Variants in LTBP1 observed in about 807,000 individuals in gnomAD.
LTBP1 encodes the protein latent transforming growth factor beta binding protein 1.
Under a neutral mutation model 207.6 loss-of-function variants are expected in LTBP1, and 129 were observed. The ratio of observed to expected loss-of-function variants is 0.62; its 90% CI spans 0.54 to 0.72. LTBP1 has a LOEUF of 0.72. Among genes scored for constraint, LTBP1 ranks in the 30% least tolerant of loss-of-function variants. The probability of loss-of-function intolerance (pLI) is 0.00; values close to 1 mark genes in which losing one functional copy is unlikely to be tolerated. For synonymous variants in LTBP1, 963 were observed against 833.7 expected, an observed-to-expected ratio of 1.16 and a Z score of -2.67; for missense variants, 2,281 against 2,217.2, an observed-to-expected ratio of 1.03 and a Z score of -0.58.
At position 33,337,073 on chromosome 2, in the gene LTBP1, A is replaced by G. The variant is rs1318244004; in HGVS notation, c.3731-5765A>G. On this transcript the variant is annotated intron_variant, in intron 24 of 33. Transcript: ENST00000404816. ...ACATGACCCCAACCTCTTTTAGAAA[A>G]CCCTGCCTTCTTTCCATACTTGTTA... Among the ~76,000 whole-genome samples, 5 of 152,126 alleles carry G rather than the reference A, an allele frequency of 3.3e-5. No homozygotes were observed. In the East Asian group the frequency reaches 9.6e-4, roughly 29 times the overall value.
chr2:33,208,723 A>G (rs922882942), intron 7 of LTBP1, among the ~76,000 whole-genome samples: 1 of 152,134 alleles, frequency 6.6e-6, no homozygotes. Flanking sequence ...CACTTAAATG[A>G]GTATTAGCAA....
chr2:33,194,704 C>G (rs1429835961), intron 7 of LTBP1, among the ~76,000 whole-genome samples: 3 of 152,180 alleles, frequency 2.0e-5, no homozygotes, highest in African/African-American at 7.2e-5. Flanking sequence ...GCAGCAAGTA[C>G]TGATGTAGAA....
intron 5 of LTBP1, among the ~76,000 whole-genome samples, chr2:33,171,536 G>T (rs553935274): frequency 4.6e-5 from 7 of 151,208 alleles, no homozygotes; most frequent in African/African-American, 1.2e-4. Flanking sequence ...TCTGATTGGT[G>T]TACCTGAAAG....
chr2:33,067,949 A>G (rs1050494551), intron 3 of LTBP1, among the ~76,000 whole-genome samples: 1 of 152,244 alleles, frequency 6.6e-6, no homozygotes, highest in Non-Finnish European at 1.5e-5. Context: ...AAATGTAGCA[A>G]CATACCAAAA....
chr2:33,185,914 C>G (rs10170980), intron 5 of LTBP1, among the ~76,000 whole-genome samples: 11,878 of 152,176 alleles, frequency 0.078, 992 homozygotes, highest in African/African-American at 0.21. Flanking sequence ...TTATAATATT[C>G]TTCAAGCTGC....
chr2:33,147,430 A>C (rs1432429200), intron 5 of LTBP1, among the ~76,000 whole-genome samples: 1 of 152,136 alleles, frequency 6.6e-6, no homozygotes, highest in Non-Finnish European at 1.5e-5. Flanking sequence ...TGTGCTGCCC[A>C]CCTGTGGATC....
Position 33,389,276 on chromosome 2 carries a change from C to G in LTBP1, c.4804C>G (p.Pro1602Ala). The G allele has an allele frequency of 6.2e-7, 1 of 1,614,192 alleles. No homozygotes were observed. Among genetic ancestry groups the G allele is most frequent in the Non-Finnish European group, 8.5e-7 (1 of 1,180,028 alleles). The change falls in exon 32 of 34, where the codon CCA becomes GCA. Residue 1602 changes from proline to alanine, a missense_variant. This residue lies in a region of LTBP1 where 1,671 missense variants were observed against 1,634.8 expected (regional missense o/e 1.02). Coordinates refer to ENST00000404816, the MANE Select transcript of LTBP1 (RefSeq NM_206943.4). ...GGTTGACTTCAGTGAACAGTATACT[C>G]CAGAAGCCGATCCCTACTTCATCCA... ...ALVDFSEQYT[P>A]EADPYFIQDR...
chr2:33,175,944 G>A (rs1310588013), intron 5 of LTBP1, among the ~76,000 whole-genome samples: 2 of 97,490 alleles, frequency 2.1e-5, no homozygotes, highest in Non-Finnish European at 4.1e-5. Context: ...TCATAGGTGG[G>A]AATTGAACAG....
chr2:33,182,887 GT>G (rs1177675515), intron 5 of LTBP1, among the ~76,000 whole-genome samples: 2 of 151,144 alleles, frequency 1.3e-5, no homozygotes, highest in Non-Finnish European at 1.5e-5. Context: ...CATTAAAAAT[GT>G]TTTAGTGTAG....
At chr2:33,186,804 T>C (rs917570135) in intron 5 of LTBP1, 52 bp from the exon 6 acceptor site, 6 of 1,414,006 alleles carry the variant, frequency 4.2e-6, no homozygotes, top group Non-Finnish European at 6.0e-6. Context: ...TGATCATTAC[T>C]TAGCCTCTGA....
intron 5 of LTBP1, among the ~76,000 whole-genome samples, chr2:33,159,431 A>G (rs949241835): frequency 6.6e-6 from 1 of 152,202 alleles, no homozygotes; most frequent in Non-Finnish European, 1.5e-5. Context: ...TAAAGGTAAC[A>G]TCACTGCCTC....
At chr2:33,169,199 G>A (rs2085204526) in intron 5 of LTBP1, among the ~76,000 whole-genome samples, 1 of 152,104 alleles carries the variant, frequency 6.6e-6, no homozygotes, top group Non-Finnish European at 1.5e-5. Context: ...TGTCCCATGG[G>A]GAACGTTTCT....
chr2:32,967,978 CAGTTTGTTT>C (rs1048278731), intron 2 of LTBP1, among the ~76,000 whole-genome samples: 7 of 104,248 alleles, frequency 6.7e-5, no homozygotes, highest in African/African-American at 1.7e-4. Flanking sequence ...GCATTTCTAT[CAGTTTGTTT>C]GTTTGTTTGT....
chr2:33,371,526 T>A (rs2095067171), intron 31 of LTBP1, among the ~76,000 whole-genome samples: 1 of 152,186 alleles, frequency 6.6e-6, no homozygotes, highest in South Asian at 2.1e-4. Context: ...TGGTCATTGT[T>A]TGATCTTGCT....
chr2:33,196,452 G>C (rs1418413173), intron 7 of LTBP1, among the ~76,000 whole-genome samples: 1 of 152,210 alleles, frequency 6.6e-6, no homozygotes, highest in East Asian at 1.9e-4. Context: ...GGAGTGTTGG[G>C]TGAGTGTGAG....
intron 3 of LTBP1, among the ~76,000 whole-genome samples, chr2:33,066,453 C>CT (rs963757693): frequency 7.9e-5 from 12 of 152,092 alleles, no homozygotes; most frequent in South Asian, 2.1e-4. Flanking sequence ...CTTACAGTGA[C>CT]TTTTTTTTAT....
At chr2:33,214,466 A>G (rs1481607126) in intron 7 of LTBP1, among the ~76,000 whole-genome samples, 6 of 151,966 alleles carry the variant, frequency 3.9e-5, no homozygotes, top group African/African-American at 1.5e-4. Context: ...GTGCCTGTGC[A>G]TGTTTGTTTC....
rs113801394 is a variant in LTBP1 at position 33,186,956 on chromosome 2, C to T, written c.1302C>T (p.Val434=). ...CAGGAAAACTTTGTCAGATCCCAGT[C>T]CATGGTGCCAGCGTGCCTAAACTTT... ...NFTGKLCQIP[V]HGASVPKLYQ... Residue 434 remains valine (V), a synonymous_variant, in exon 6 of 34, where the codon GTC becomes GTT. Transcript: ENST00000404816. 3.1e-6 allele frequency: 5 copies of T among 1,614,070 alleles called. No homozygotes were observed. The African/African-American group carries it at 5.3e-5, about 17-fold the overall frequency.
At chr2:32,990,726 A>G (rs1456092591) in intron 2 of LTBP1, among the ~76,000 whole-genome samples, 2 of 152,114 alleles carry the variant, frequency 1.3e-5, no homozygotes, top group Non-Finnish European at 2.9e-5. Flanking sequence ...CTGTGTGGGG[A>G]AAAGTTATAT....
Sources: allele counts gnomAD v4.1 joint callset (sites outside exome capture counted in the v4.1 genomes callset), GRCh38; gene constraint gnomAD v4.1.1; regional missense constraint gnomAD v4.1.1; transcripts MANE v1.5; gene names NCBI Gene and HGNC (gene_info 2026-07-23, HGNC 2026-07-21).